Variants in PPFIBP1 observed in about 807,000 individuals in gnomAD.
PPFIBP1 encodes liprin-beta-1.
Under a neutral mutation model 137.8 loss-of-function variants are expected in PPFIBP1, and 112 were observed. That is an observed-to-expected ratio of 0.81 (90% CI 0.70 to 0.95). PPFIBP1 has a LOEUF of 0.95. Among genes scored for constraint, PPFIBP1 ranks in the 40% least tolerant of loss-of-function variants. PPFIBP1 has a pLI of 0.00. For missense variants in PPFIBP1, 1,083 were observed against 1,196.6 expected (o/e 0.91, Z 1.40); for synonymous variants, 378 against 417.3 (o/e 0.91, Z 1.15).
Position 27,692,723 on chromosome 12 carries a change from A to T in PPFIBP1, c.2931+67A>T, listed in dbSNP as rs1334707375. The T allele has an allele frequency of 5.0e-6, 8 of 1,613,886 alleles. No individual in the cohort carries two copies. The East Asian group carries it at 1.6e-4, about 31-fold the overall frequency. On this transcript the variant is annotated intron_variant, in intron 29 of 29. Coordinates refer to ENST00000228425, the MANE Select transcript of PPFIBP1 (RefSeq NM_003622.4). Reference sequence around the variant, plus strand: ...TCTTTTATAACAACCCCAAAGGACCACATGTCTCTTGGAGAATGTGTAGCT... The same window carrying T: ...TCTTTTATAACAACCCCAAAGGACCTCATGTCTCTTGGAGAATGTGTAGCT...
intron 1 of PPFIBP1, among the ~76,000 whole-genome samples, chr12:27,563,389 G>A (rs968599062): frequency 6.7e-5 from 10 of 150,104 alleles, no homozygotes; most frequent in Non-Finnish European, 7.4e-5. Flanking sequence ...CCTGGGAGGC[G>A]GAGTTTGCAG....
At chr12:27,533,144 G>A (rs1319819115) in intron 1 of PPFIBP1, among the ~76,000 whole-genome samples, 1 of 152,076 alleles carries the variant, frequency 6.6e-6, no homozygotes, top group Non-Finnish European at 1.5e-5. Flanking sequence ...GGAACTACAG[G>A]GACATGCCTC....
At position 27,542,641 on chromosome 12, in the gene PPFIBP1, G is replaced by A. The variant is rs370880650; in HGVS notation, c.-124+18276G>A. 4.3e-4 allele frequency among the ~76,000 whole-genome samples: 66 copies of A among 151,930 alleles called. 2 individuals are homozygous for A. Among genetic ancestry groups the A allele is most frequent in the African/African-American group, 1.6e-3 (66 of 41,288 alleles). On this transcript the variant is annotated intron_variant, in intron 1 of 29. Coordinates refer to ENST00000228425, the MANE Select transcript of PPFIBP1 (RefSeq NM_003622.4). ...GAATTGCTGGTAGATCTGCACAGAC[G>A]GGAAATTCTAGTGAATATCACTATA...
chr12:27,683,827 G>A (rs987527029), intron 24 of PPFIBP1, among the ~76,000 whole-genome samples: 9 of 151,236 alleles, frequency 6.0e-5, no homozygotes, highest in Admixed American at 3.3e-4. Context: ...TCGCTCTGTC[G>A]CCCAGGCTGG....
intron 1 of PPFIBP1, among the ~76,000 whole-genome samples, chr12:27,560,888 A>C (rs1286570872): frequency 6.6e-6 from 1 of 152,228 alleles, no homozygotes; most frequent in Non-Finnish European, 1.5e-5. Context: ...AATAACACAT[A>C]AAACTGGAAA....
In PPFIBP1 at chr12:27,689,028, G is replaced by A. The variant is rs1227005693; in HGVS notation, c.2510G>A (p.Arg837His). 3.1e-6 allele frequency: 5 copies of A among 1,611,798 alleles called. No individual in the cohort carries two copies. In the Admixed American group the frequency reaches 6.7e-5, roughly 22 times the overall value. ...VHGGLMVLEP[R>H]FNVETMAQLL... ...TTCTTTAAACAGGTTCTAGAGCCTCGTTTTAACGTAGAAACAATGGCTCAG... is the reference window on the plus strand; with the variant it reads ...TTCTTTAAACAGGTTCTAGAGCCTCATTTTAACGTAGAAACAATGGCTCAG... The change falls in exon 27 of 30, where the codon CGT becomes CAT. Residue 837 changes from arginine to histidine, a missense_variant. By Grantham distance (29) the Arg-to-His change is conservative. Transcript: ENST00000228425.
Position 27,681,531 on chromosome 12 carries a change from C to G in PPFIBP1, c.1896-15C>G. 6.2e-7 allele frequency: 1 copy of G among 1,611,116 alleles called. No homozygotes were observed. Among genetic ancestry groups the G allele is most frequent in the Non-Finnish European group, 8.5e-7 (1 of 1,177,662 alleles). On this transcript the variant is annotated splice_polypyrimidine_tract_variant and intron_variant, in intron 21 of 29. Coordinates refer to ENST00000228425, the MANE Select transcript of PPFIBP1 (RefSeq NM_003622.4). ...CTTTGGATTATTTTTCATGCAATTA[C>G]TCATTTTCCTGTAGTGACTTGGATA...
At chr12:27,543,415 A>G (rs1241151469) in intron 1 of PPFIBP1, among the ~76,000 whole-genome samples, 1 of 152,196 alleles carries the variant, frequency 6.6e-6, no homozygotes, top group Non-Finnish European at 1.5e-5. Flanking sequence ...TAGTATTAGA[A>G]TATGAAGTTA....
chr12:27,593,852 G>A, intron 2 of PPFIBP1: 1 of 1,403,570 alleles, frequency 7.1e-7, no homozygotes, highest in South Asian at 1.6e-5. Context: ...TATCCTTTCA[G>A]TCCCCCATGC....
chr12:27,657,349 G>A (rs543479900), intron 9 of PPFIBP1, among the ~76,000 whole-genome samples: 4 of 151,826 alleles, frequency 2.6e-5, no homozygotes, highest in South Asian at 2.1e-4. Context: ...AAAATAGCCC[G>A]AATGAAATAC....
intron 6 of PPFIBP1, among the ~76,000 whole-genome samples, chr12:27,648,225 T>G (rs2139553550): frequency 6.6e-6 from 1 of 152,262 alleles, no homozygotes; most frequent in African/African-American, 2.4e-5. Flanking sequence ...GACATACAAA[T>G]GGCAAACAGA....
At chr12:27,616,985 G>A (rs1051314710) in intron 2 of PPFIBP1, among the ~76,000 whole-genome samples, 1 of 152,214 alleles carries the variant, frequency 6.6e-6, no homozygotes, top group East Asian at 1.9e-4. Flanking sequence ...TTAGACAGCA[G>A]GCATTTGAAG....
At chr12:27,591,498 C>G (rs945407454) in intron 2 of PPFIBP1, among the ~76,000 whole-genome samples, 24 of 152,162 alleles carry the variant, frequency 1.6e-4, no homozygotes, top group Non-Finnish European at 1.5e-5. Flanking sequence ...AAACCCTGAA[C>G]TTTTGGTAAA....
intron 1 of PPFIBP1, among the ~76,000 whole-genome samples, chr12:27,529,651 G>A (rs1374039493): frequency 6.6e-6 from 1 of 152,180 alleles, no homozygotes; most frequent in Admixed American, 6.5e-5. Context: ...CTGAGATCAC[G>A]CCACTGCACT....
At chr12:27,586,684 G>A (rs1001285338) in intron 2 of PPFIBP1, among the ~76,000 whole-genome samples, 7 of 149,136 alleles carry the variant, frequency 4.7e-5, no homozygotes, top group African/African-American at 1.7e-4. Flanking sequence ...GCGAAAAAGT[G>A]AGACTCTGTC....
chr12:27,614,834 T>A (rs1025602808), intron 2 of PPFIBP1, among the ~76,000 whole-genome samples: 2 of 152,206 alleles, frequency 1.3e-5, no homozygotes, highest in Admixed American at 6.5e-5. Flanking sequence ...TTGAAATAAA[T>A]GTTAGGGTGA....
At chr12:27,588,170 T>G (rs2052020102) in intron 2 of PPFIBP1, among the ~76,000 whole-genome samples, 1 of 152,248 alleles carries the variant, frequency 6.6e-6, no homozygotes, top group South Asian at 2.1e-4. Flanking sequence ...TGATATTAGC[T>G]AGGCTGAGTT....
rs151071761 is a variant in PPFIBP1 at position 27,680,039 on chromosome 12, C to G, written c.1873C>G (p.Arg625Gly). The stretch of plus-strand genomic sequence containing the variant: ...CGCGGGGCCCCGATTAGGTTGGTCT[C>G]GAGACTTGGGACAGTCTAACAGGTA... ...ATAGPRLGWS[R>G]DLGQSNSDLD... The change falls in exon 21 of 30, where the codon CGA becomes GGA. Residue 625 changes from arginine to glycine, a missense_variant. Coordinates refer to ENST00000228425, the MANE Select transcript of PPFIBP1 (RefSeq NM_003622.4). The G allele has an allele frequency of 1.2e-6, 2 of 1,613,872 alleles. No homozygotes were observed. Among genetic ancestry groups the G allele is most frequent in the East Asian group, 2.2e-5 (1 of 44,898 alleles).
chr12:27,684,602 G>A (rs934439455), intron 24 of PPFIBP1, among the ~76,000 whole-genome samples: 1 of 152,106 alleles, frequency 6.6e-6, no homozygotes, highest in Admixed American at 6.6e-5. Context: ...TTACCTTGAT[G>A]AGCACATCAC....
Sources: allele counts gnomAD v4.1 joint callset (sites outside exome capture counted in the v4.1 genomes callset), GRCh38; gene constraint gnomAD v4.1.1; transcripts MANE v1.5; gene names NCBI Gene and HGNC (gene_info 2026-07-23, HGNC 2026-07-21).